The following HERC4 variants were observed in gnomAD, a reference collection of about 807,000 sequenced individuals.
The protein encoded by HERC4 is probable E3 ubiquitin-protein ligase HERC4.
HERC4 carries 28 observed loss-of-function variants against 124.3 expected under a neutral mutation model. That is an observed-to-expected ratio of 0.23 (90% CI 0.17 to 0.31). The LOEUF (loss-of-function observed/expected upper bound fraction) is 0.31, where lower values mean the gene tolerates loss of function less well. Ranked by LOEUF, HERC4 falls within the 10% of genes least tolerant of loss-of-function variation. The pLI, the probability that HERC4 is intolerant of heterozygous loss-of-function variation, is 1.00. For synonymous variants in HERC4, 407 were observed against 421.5 expected (o/e 0.97, Z 0.42); for missense variants, 713 against 1,229.3 (o/e 0.58, Z 6.28).
chr10:68,010,525 G>C, intron 9 of HERC4: 2 of 953,094 alleles, frequency 2.1e-6, no homozygotes, highest in Non-Finnish European at 3.3e-6. Flanking sequence ...ATCTGCTGCA[G>C]TGTGGGCTTC....
At chr10:67,967,101 A>G (rs1215715433) in intron 15 of HERC4, among the ~76,000 whole-genome samples, 2 of 152,180 alleles carry the variant, frequency 1.3e-5, no homozygotes, top group African/African-American at 2.4e-5. Context: ...TGATCTGTCC[A>G]CCTTGGCCTC....
chr10:67,935,198 C>T (rs187149097), intron 22 of HERC4, among the ~76,000 whole-genome samples: 78 of 149,722 alleles, frequency 5.2e-4, no homozygotes, highest in African/African-American at 1.8e-3. Flanking sequence ...CAGGCTGGAG[C>T]GCAGTGGCAC....
At chr10:68,028,135 G>A (rs1198531634) in intron 7 of HERC4, among the ~76,000 whole-genome samples, 1 of 150,358 alleles carries the variant, frequency 6.7e-6, no homozygotes, top group East Asian at 1.9e-4. Context: ...TTTTCCTAGC[G>A]TTATGAGCTG....
intron 8 of HERC4, among the ~76,000 whole-genome samples, chr10:68,014,538 A>C (rs1438885673): frequency 6.6e-6 from 1 of 152,200 alleles, no homozygotes; most frequent in African/African-American, 2.4e-5. Flanking sequence ...GTCAAGTTCT[A>C]GTCCAGAGCT....
chr10:67,936,575 T>A (rs565479291), intron 21 of HERC4, among the ~76,000 whole-genome samples: 1 of 152,216 alleles, frequency 6.6e-6, no homozygotes, highest in Non-Finnish European at 1.5e-5. Context: ...AGTATGAGAA[T>A]GCTATTCAGC....
At chr10:67,961,503 G>C (rs902506710) in intron 16 of HERC4, 5 of 152,130 alleles carry the variant, frequency 3.3e-5, no homozygotes, top group Non-Finnish European at 7.3e-5. Context: ...AAAGACCCTT[G>C]GCTGATTTTA....
chr10:67,934,702 C>A (rs1416485998), intron 22 of HERC4, among the ~76,000 whole-genome samples: 1 of 152,116 alleles, frequency 6.6e-6, no homozygotes. Flanking sequence ...GTAATTTTCT[C>A]CCAAAATTTT....
intron 9 of HERC4, chr10:67,995,144 T>C: frequency 2.6e-6 from 1 of 389,890 alleles, no homozygotes. Context: ...TGGTTGAATC[T>C]AGACAGGTTT....
intron 1 of HERC4, among the ~76,000 whole-genome samples, chr10:68,074,486 C>G (rs912384501): frequency 1.3e-5 from 2 of 152,116 alleles, no homozygotes; most frequent in African/African-American, 4.8e-5. Context: ...GAAAATACCC[C>G]GACTTCAGCG....
At chr10:67,940,406 A>G (rs2032776996) in intron 20 of HERC4, among the ~76,000 whole-genome samples, 1 of 151,672 alleles carries the variant, frequency 6.6e-6, no homozygotes, top group Non-Finnish European at 1.5e-5. Context: ...GTATTGTCAA[A>G]CAACTAAAAA....
chr10:67,978,803 G>T (rs2035754775), intron 15 of HERC4, among the ~76,000 whole-genome samples: 1 of 152,172 alleles, frequency 6.6e-6, no homozygotes, highest in African/African-American at 2.4e-5. Context: ...AAAAAGTAAG[G>T]AAAGAGAAAG....
chr10:68,073,788 T>C (rs1165571357), intron 1 of HERC4, 102 bp from the exon 2 acceptor site: 1 of 152,204 alleles, frequency 6.6e-6, no homozygotes, highest in Admixed American at 6.5e-5. Context: ...ATGAAGATTC[T>C]CTTACCAAAC....
chr10:68,058,093 G>A (rs981777908), intron 3 of HERC4, among the ~76,000 whole-genome samples: 2 of 151,990 alleles, frequency 1.3e-5, no homozygotes, highest in African/African-American at 2.4e-5. Flanking sequence ...AAAAAAAAAG[G>A]CATCTTTAAT....
intron 4 of HERC4, among the ~76,000 whole-genome samples, chr10:68,043,876 T>C (rs934665157): frequency 6.6e-6 from 1 of 152,168 alleles, no homozygotes. Flanking sequence ...AAAACATTGA[T>C]GAGGCACTGC....
chr10:68,054,499 T>C (rs1194233160), intron 3 of HERC4, among the ~76,000 whole-genome samples: 5 of 151,892 alleles, frequency 3.3e-5, no homozygotes, highest in Admixed American at 2.6e-4. Flanking sequence ...GGCACCACCA[T>C]GTCCAGCTAA....
At chr10:68,062,582 T>C (rs911322523) in intron 3 of HERC4, among the ~76,000 whole-genome samples, 1 of 151,038 alleles carries the variant, frequency 6.6e-6, no homozygotes, top group Non-Finnish European at 1.5e-5. Context: ...TGAAACCCTG[T>C]CTCTACTAAA....
intron 9 of HERC4, among the ~76,000 whole-genome samples, chr10:68,013,610 A>G (rs1425389142): frequency 6.6e-6 from 1 of 152,232 alleles, no homozygotes; most frequent in Non-Finnish European, 1.5e-5. Context: ...TTGCTGTTTA[A>G]TGCATAGAGT....
intron 3 of HERC4, among the ~76,000 whole-genome samples, chr10:68,062,597 CA>C (rs544019270): frequency 1.8e-3 from 248 of 140,268 alleles, no homozygotes; most frequent in Middle Eastern, 3.5e-3. Flanking sequence ...ACTAAAAATA[CA>C]AAAAAAAAAA....
At chr10:68,069,725 T>A (rs1008470741) in intron 3 of HERC4, 1 of 985,516 alleles carries the variant, frequency 1.0e-6, no homozygotes, top group Non-Finnish European at 1.2e-6. Context: ...CCATTCCATG[T>A]GCTTTCTGAC....
Sources: allele counts gnomAD v4.1 joint callset (sites outside exome capture counted in the v4.1 genomes callset), GRCh38; gene constraint gnomAD v4.1.1; transcripts MANE v1.5; gene names NCBI Gene and HGNC (gene_info 2026-07-23, HGNC 2026-07-21).